Variants in SLC26A7 observed in about 807,000 individuals in gnomAD.
SLC26A7 encodes solute carrier family 26 member 7.
In SLC26A7, 59 loss-of-function variants were observed where a neutral mutation model predicts 82.5. That is an observed-to-expected ratio of 0.72 (90% CI 0.58 to 0.89). SLC26A7 has a LOEUF of 0.89. SLC26A7 is among the 40% of genes least tolerant of loss of function. SLC26A7 has a pLI of 0.00. For missense variants in SLC26A7, 820 were observed against 793.0 expected, an observed-to-expected ratio of 1.03 and a Z score of -0.41; for synonymous variants, 271 against 274.3, an observed-to-expected ratio of 0.99 and a Z score of 0.12.
chr8:91,276,023 A>G (rs1432198655), intron 2 of SLC26A7, among the ~76,000 whole-genome samples: 2 of 152,270 alleles, frequency 1.3e-5, no homozygotes, highest in East Asian at 1.9e-4. Context: ...TAGTAAATTA[A>G]CCCTTTCAGA....
At chr8:91,271,106 C>T (rs1811255250) in intron 2 of SLC26A7, among the ~76,000 whole-genome samples, 1 of 152,144 alleles carries the variant, frequency 6.6e-6, no homozygotes. Context: ...TGCATGTGTA[C>T]TTCTCATCTT....
At position 91,225,116 on chromosome 8, in the gene SLC26A7, G is replaced by A. The variant is rs568971145; in HGVS notation, c.-34+6111G>A. Among the ~76,000 whole-genome samples the A allele has an allele frequency of 3.9e-5, 6 of 152,372 alleles. No individual in the cohort carries two copies. In the East Asian group the frequency reaches 1.2e-3, roughly 29 times the overall value. Reference sequence around the variant, plus strand: ...CCTAGGGAGCTTTGCGTGTTAGGCAGTTGTGAGTCCCAGTGCTGGCTGCTG... The same window carrying A: ...CCTAGGGAGCTTTGCGTGTTAGGCAATTGTGAGTCCCAGTGCTGGCTGCTG... On this transcript the variant is annotated intron_variant, in intron 2 of 5. Transcript: ENST00000522862.
intron 2 of SLC26A7, among the ~76,000 whole-genome samples, chr8:91,276,771 T>A (rs182132252): frequency 3.9e-3 from 598 of 152,306 alleles, no homozygotes; most frequent in South Asian, 0.014. Flanking sequence ...GCTGATTTTT[T>A]AAAATGCACT....
chr8:91,267,886 C>G (rs1811158631), intron 2 of SLC26A7, among the ~76,000 whole-genome samples: 1 of 151,634 alleles, frequency 6.6e-6, no homozygotes, highest in African/African-American at 2.4e-5. Context: ...GGATTTATTG[C>G]TATAAACTTC....
At chr8:91,230,213 G>A (rs1010355106) in intron 2 of SLC26A7, among the ~76,000 whole-genome samples, 12 of 151,882 alleles carry the variant, frequency 7.9e-5, no homozygotes, top group Non-Finnish European at 1.5e-4. Context: ...CTCCAATTTG[G>A]GCTTGTCCAA....
rs1239201084 is a variant in SLC26A7, at chr8:91,249,562, G to A, written c.-90G>A. On this transcript the variant is annotated 5_prime_UTR_variant, in exon 2 of 19. Transcript: ENST00000276609. The stretch of plus-strand genomic sequence containing the variant: ...AGCTTTGACATTGTAAACCACAGAC[G>A]AATTGGAGCTTGGCATTGAAAGGAG... 22 of 1,042,320 alleles carry A rather than the reference G, an allele frequency of 2.1e-5. No individual in the cohort carries two copies. The highest frequency in any genetic ancestry group is 3.3e-5 in the African/African-American group (2 of 60,080). 64.6% of individuals were successfully genotyped at this position (1,042,320 alleles called of 1,614,324 possible).
intron 2 of SLC26A7, among the ~76,000 whole-genome samples, chr8:91,270,006 C>A (rs949810386): frequency 6.6e-6 from 1 of 151,782 alleles, no homozygotes; most frequent in African/African-American, 2.4e-5. Flanking sequence ...ATTTTTTATA[C>A]TTTTTTGTGA....
chr8:91,368,545 AG>A (rs1320483352), intron 14 of SLC26A7, among the ~76,000 whole-genome samples: 1 of 151,776 alleles, frequency 6.6e-6, no homozygotes, highest in Non-Finnish European at 1.5e-5. Flanking sequence ...CAGCCTCCAG[AG>A]TAGCTGGGAC....
At chr8:91,230,366 C>T (rs752170876) in intron 2 of SLC26A7, among the ~76,000 whole-genome samples, 2 of 152,112 alleles carry the variant, frequency 1.3e-5, no homozygotes, top group Non-Finnish European at 2.9e-5. Context: ...TACCTCTTCT[C>T]TGGTCTCACC....
chr8:91,259,978 A>G (rs1810917504), intron 2 of SLC26A7, among the ~76,000 whole-genome samples: 1 of 152,178 alleles, frequency 6.6e-6, no homozygotes, highest in East Asian at 1.9e-4. Flanking sequence ...ATAGGCTTTC[A>G]GAAAGCACTG....
chr8:91,254,939 A>G (rs1676006371), intron 2 of SLC26A7, among the ~76,000 whole-genome samples: 1 of 152,172 alleles, frequency 6.6e-6, no homozygotes, highest in Admixed American at 6.6e-5. Context: ...ACATTGACTT[A>G]AAACATGTCA....
At chr8:91,353,125 T>C (rs551602097) in intron 11 of SLC26A7, 129 bp downstream of exon 11, 1 of 483,676 alleles carries the variant, frequency 2.1e-6, no homozygotes, top group Non-Finnish European at 3.4e-6. Flanking sequence ...CAAACTACCA[T>C]TTTTTTTCCA....
intron 8 of SLC26A7, chr8:91,343,026 G>T: frequency 5.2e-6 from 1 of 191,908 alleles, no homozygotes; most frequent in Non-Finnish European, 1.1e-5. Context: ...CATTGTGAAG[G>T]TCATTTGTGC....
chr8:91,311,563 A>G (rs1812487221), intron 4 of SLC26A7, among the ~76,000 whole-genome samples: 1 of 152,204 alleles, frequency 6.6e-6, no homozygotes, highest in African/African-American at 2.4e-5. Flanking sequence ...TTACAATGTT[A>G]TGTAACCACC....
At chr8:91,311,600 G>A (rs1347478754) in intron 4 of SLC26A7, among the ~76,000 whole-genome samples, 1 of 152,130 alleles carries the variant, frequency 6.6e-6, no homozygotes, top group African/African-American at 2.4e-5. Flanking sequence ...TGTAAACCAA[G>A]TAGTATCTGA....
intron 2 of SLC26A7, among the ~76,000 whole-genome samples, chr8:91,280,473 T>C (rs975540172): frequency 6.6e-6 from 1 of 152,240 alleles, no homozygotes; most frequent in African/African-American, 2.4e-5. Flanking sequence ...ATTCCTATTG[T>C]CTGCCTCTTC....
At chr8:91,250,565 T>C (rs1163182712) in intron 2 of SLC26A7, among the ~76,000 whole-genome samples, 1 of 152,110 alleles carries the variant, frequency 6.6e-6, no homozygotes, top group Non-Finnish European at 1.5e-5. Flanking sequence ...CTTAAAGATA[T>C]ATCCATTGCA....
chr8:91,389,900 C>A (rs535858929), intron 16 of SLC26A7, among the ~76,000 whole-genome samples: 1 of 152,214 alleles, frequency 6.6e-6, no homozygotes, highest in Admixed American at 6.5e-5. Context: ...AGGGGCTTTT[C>A]TCTGTTCTCT....
intron 3 of SLC26A7, among the ~76,000 whole-genome samples, chr8:91,293,952 G>A (rs1811946321): frequency 6.6e-6 from 1 of 152,128 alleles, no homozygotes; most frequent in Non-Finnish European, 1.5e-5. Flanking sequence ...CCCATCCTGG[G>A]TGCTAGAATC....
Sources: gnomAD v4.1 joint callset for allele counts (sites outside exome capture counted in the v4.1 genomes callset) on GRCh38, gnomAD v4.1.1 for gene constraint, MANE v1.5 for transcripts, NCBI Gene and HGNC (gene_info 2026-07-23, HGNC 2026-07-21) for gene names.